Variants in PPP3CC observed in about 807,000 individuals in gnomAD.
PPP3CC encodes the protein protein phosphatase 3 catalytic subunit gamma.
PPP3CC carries 35 observed loss-of-function variants against 60.3 expected under a neutral mutation model. That is an observed-to-expected ratio of 0.58 (90% CI 0.44 to 0.77). PPP3CC has a LOEUF of 0.77. Ranked by LOEUF, PPP3CC falls within the 30% of genes least tolerant of loss-of-function variation. PPP3CC has a pLI of 0.00. For missense variants in PPP3CC, 570 were observed against 628.9 expected (o/e 0.91, Z 1.00); for synonymous variants, 206 against 224.3 (o/e 0.92, Z 0.73).
chr8:22,447,216 GT>G (rs35334253), intron 1 of PPP3CC, among the ~76,000 whole-genome samples: 46,362 of 132,072 alleles, frequency 0.35, 8,606 homozygotes, highest in East Asian at 0.5. Flanking sequence ...GTCTCGCTCT[GT>G]CGTCCAGGCT....
chr8:22,502,968 C>A (rs1838805840), intron 4 of PPP3CC, among the ~76,000 whole-genome samples: 1 of 152,080 alleles, frequency 6.6e-6, no homozygotes, highest in African/African-American at 2.4e-5. Context: ...CCTTAGCCTC[C>A]TAAATAGCTG....
intron 8 of PPP3CC, among the ~76,000 whole-genome samples, chr8:22,524,154 A>C (rs1489176378): frequency 6.6e-6 from 1 of 152,230 alleles, no homozygotes; most frequent in Non-Finnish European, 1.5e-5. Flanking sequence ...ATTGTACCTG[A>C]TGTGATAATA....
intron 11 of PPP3CC, 107 bp downstream of exon 11, chr8:22,532,413 AG>A: frequency 1.1e-6 from 1 of 873,668 alleles, no homozygotes. Flanking sequence ...TTGAAACTGC[AG>A]GTCTTTAGGT....
At chr8:22,512,366 G>C (rs1370290037) in intron 5 of PPP3CC, among the ~76,000 whole-genome samples, 2 of 152,168 alleles carry the variant, frequency 1.3e-5, no homozygotes. Context: ...CTTTCACGCA[G>C]TAGAAATTCT....
chr8:22,532,860 C>T lies in PPP3CC; in HGVS notation c.1224-61C>T, dbSNP rs376718840. 99 of 1,184,010 alleles carry T rather than the reference C, an allele frequency of 8.4e-5. 2 individuals are homozygous for T. In the South Asian group the frequency reaches 9.5e-4, roughly 11 times the overall value. 73.3% of individuals were successfully genotyped at this position (1,184,010 alleles called of 1,614,324 possible). On this transcript the variant is annotated intron_variant, in intron 11 of 13. Transcript: ENST00000240139. The stretch of plus-strand genomic sequence containing the variant: ...TGTCTTTCTTCACTTCCTTCAATAT[C>T]TTTAAGTTGCTGAATGGAGAGTTCT...
rs755678527 is a variant in PPP3CC at position 22,477,473 on chromosome 8, CA to C, written c.372+1861del. Among the ~76,000 whole-genome samples, 1,208 of 136,290 alleles carry C rather than the reference CA, an allele frequency of 8.9e-3. 16 individuals are homozygous for C. Among genetic ancestry groups the C allele is most frequent in the African/African-American group, 0.023 (887 of 37,806 alleles). 89.4% of individuals were successfully genotyped at this position (136,290 alleles called of 152,430 possible). ...TGGGTGACAGAGCAAGACTCTGTCT[CA>C]AAAAAAAAAAAGAAAGAAAGAAAGA... is the stretch of plus-strand genomic sequence containing the variant. On this transcript the variant is annotated intron_variant, in intron 3 of 13. Transcript: ENST00000240139.
chr8:22,460,741 G>T (rs780790908), intron 1 of PPP3CC, among the ~76,000 whole-genome samples: 1 of 152,088 alleles, frequency 6.6e-6, no homozygotes, highest in Non-Finnish European at 1.5e-5. Context: ...ATTGCTTGAG[G>T]AGTTCGAGGC....
intron 4 of PPP3CC, among the ~76,000 whole-genome samples, chr8:22,509,776 AC>A (rs1328856893): frequency 6.6e-6 from 1 of 152,186 alleles, no homozygotes; most frequent in East Asian, 1.9e-4. Flanking sequence ...ATCGTAGTTC[AC>A]TGCAGCCTCA....
chr8:22,531,771 G>T (rs996896394), intron 10 of PPP3CC, among the ~76,000 whole-genome samples: 4 of 152,208 alleles, frequency 2.6e-5, no homozygotes, highest in Admixed American at 6.5e-5. Flanking sequence ...GAGCTAGCTG[G>T]GTGTTGTGTT....
At chr8:22,490,035 G>A (rs1204425447) in intron 3 of PPP3CC, among the ~76,000 whole-genome samples, 1 of 151,668 alleles carries the variant, frequency 6.6e-6, no homozygotes, top group African/African-American at 2.4e-5. Flanking sequence ...ATGTTAGCCA[G>A]GGTGGTCTGG....
chr8:22,456,123 A>T (rs990992514), intron 1 of PPP3CC, among the ~76,000 whole-genome samples: 3 of 152,212 alleles, frequency 2.0e-5, no homozygotes, highest in African/African-American at 7.2e-5. Context: ...AGACATAGCT[A>T]TTTAGGCAAA....
intron 3 of PPP3CC, among the ~76,000 whole-genome samples, chr8:22,489,518 A>T (rs1230832028): frequency 6.7e-6 from 1 of 148,858 alleles, no homozygotes; most frequent in Non-Finnish European, 1.5e-5. Flanking sequence ...TAACATGGAG[A>T]TGCACAAGCA....
At chr8:22,471,373 T>C (rs577981988) in intron 1 of PPP3CC, among the ~76,000 whole-genome samples, 5 of 151,570 alleles carry the variant, frequency 3.3e-5, no homozygotes, top group Non-Finnish European at 5.9e-5. Context: ...AATACAGTCA[T>C]GCATCCGAGA....
chr8:22,479,781 A>C (rs1375070260), intron 3 of PPP3CC, among the ~76,000 whole-genome samples: 1 of 151,754 alleles, frequency 6.6e-6, no homozygotes, highest in Non-Finnish European at 1.5e-5. Flanking sequence ...GAAAAAATGC[A>C]ATTTGGGGCA....
chr8:22,516,098 C>T (rs1839236827), intron 6 of PPP3CC, among the ~76,000 whole-genome samples: 1 of 151,950 alleles, frequency 6.6e-6, no homozygotes, highest in African/African-American at 2.4e-5. Flanking sequence ...GCCACCATGC[C>T]CAGCTGCTTT....
intron 1 of PPP3CC, among the ~76,000 whole-genome samples, chr8:22,445,512 A>G (rs899217574): frequency 4.6e-5 from 7 of 152,224 alleles, no homozygotes; most frequent in Admixed American, 3.3e-4. Flanking sequence ...ATCTGCAGGT[A>G]TATTTTGAAT....
chr8:22,518,482 T>A (rs1839313244), intron 6 of PPP3CC, among the ~76,000 whole-genome samples: 2 of 152,236 alleles, frequency 1.3e-5, no homozygotes, highest in South Asian at 4.1e-4. Context: ...TTAAGTTTGT[T>A]GATACTTCTT....
At chr8:22,459,576 T>G (rs1299515005) in intron 1 of PPP3CC, among the ~76,000 whole-genome samples, 3 of 152,226 alleles carry the variant, frequency 2.0e-5, no homozygotes, top group Non-Finnish European at 4.4e-5. Flanking sequence ...TGTCACATGT[T>G]ATGCCTACAT....
chr8:22,519,804 A>G (rs1839356366), intron 6 of PPP3CC, among the ~76,000 whole-genome samples: 1 of 152,020 alleles, frequency 6.6e-6, no homozygotes, highest in Admixed American at 6.6e-5. Flanking sequence ...ACAGGCACAC[A>G]CCACCACACC....
Sources: allele counts gnomAD v4.1 joint callset (sites outside exome capture counted in the v4.1 genomes callset), GRCh38; gene constraint gnomAD v4.1.1; transcripts MANE v1.5; gene names NCBI Gene and HGNC (gene_info 2026-07-23, HGNC 2026-07-21).